The following EPB41 variants were observed in gnomAD, a reference collection of about 807,000 sequenced individuals.
EPB41 encodes the protein erythrocyte membrane protein band 4.1.
Under a neutral mutation model 108.0 loss-of-function variants are expected in EPB41, and 65 were observed. The observed-to-expected ratio is 0.60, with a 90% CI of 0.49 to 0.74. The LOEUF is 0.74. Among genes scored for constraint, EPB41 ranks in the 30% least tolerant of loss-of-function variants. The probability of loss-of-function intolerance (pLI) is 0.00; values close to 1 mark genes in which losing one functional copy is unlikely to be tolerated. For missense variants in EPB41, 875 were observed against 1,037.0 expected (o/e 0.84, Z 2.15); for synonymous variants, 336 against 358.9 (o/e 0.94, Z 0.72).
At chr1:28,937,070 A>G (rs1302965146) in intron 1 of EPB41, among the ~76,000 whole-genome samples, 1 of 152,132 alleles carries the variant, frequency 6.6e-6, no homozygotes, top group Non-Finnish European at 1.5e-5. Context: ...CCTTACTAAC[A>G]CTTGTTTTCC....
At chr1:29,057,929 T>C (rs757198787) in intron 12 of EPB41, among the ~76,000 whole-genome samples, 2 of 152,246 alleles carry the variant, frequency 1.3e-5, no homozygotes, top group Non-Finnish European at 2.9e-5. Context: ...GAATCCTGCA[T>C]GTGCTTGTTT....
In EPB41 at chr1:29,018,496, A is replaced by G; in HGVS notation, c.1124+54A>G. 2 of 1,285,270 alleles carry G rather than the reference A, an allele frequency of 1.6e-6. No homozygotes were observed. Among genetic ancestry groups the G allele is most frequent in the Non-Finnish European group, 2.1e-6 (2 of 949,136 alleles). 79.6% of individuals were successfully genotyped at this position (1,285,270 alleles called of 1,614,324 possible). ...GTTTGTTTTGGCGATTAGTTTAAAC[A>G]CAACATGGTATTGGTTCATTGTTTG... On this transcript the variant is annotated intron_variant, in intron 7 of 20. Coordinates refer to ENST00000343067, the MANE Select transcript of EPB41 (RefSeq NM_001376013.1). This position sits in a 1 kb window ranked among gnomAD's most constrained non-coding sequence, Gnocchi z 4.4.
In EPB41 at chr1:29,097,862, A is replaced by G. The variant is rs745902060; in HGVS notation, c.2240A>G (p.Lys747Arg). ...ATCTCAGATAATGCCAATGCTGTGA[A>G]AAGTGAAATCCCAACCAAAGACGTC... ...VTISDNANAV[K>R]SEIPTKDVPI... The change falls in exon 17 of 21, where the codon AAA becomes AGA. Residue 747 changes from lysine (K) to arginine (R), a missense_variant. Physicochemically the swap from Lys to Arg is conservative, Grantham distance 26. This residue lies in a region of EPB41 where 519 missense variants were observed against 627.3 expected (regional missense o/e 0.83). Coordinates refer to ENST00000343067, the MANE Select transcript of EPB41 (RefSeq NM_001376013.1). 65 of 1,613,932 alleles carry G rather than the reference A, an allele frequency of 4.0e-5. No individual in the cohort carries two copies. Among genetic ancestry groups the G allele is most frequent in the Non-Finnish European group, 5.3e-5 (63 of 1,179,918 alleles).
rs750731570 is a variant in EPB41 at position 29,115,721 on chromosome 1, A to G, written c.2519A>G (p.Glu840Gly). The G allele has an allele frequency of 6.2e-7, 1 of 1,614,020 alleles. No individual in the cohort carries two copies. Among genetic ancestry groups the G allele is most frequent in the Non-Finnish European group, 8.5e-7 (1 of 1,180,000 alleles). The change falls in exon 20 of 21, where the codon GAG (glutamate) becomes GGG (glycine). Residue 840 changes from glutamate to glycine, a missense_variant. Coordinates refer to ENST00000343067, the MANE Select transcript of EPB41 (RefSeq NM_001376013.1). This position sits in a 1 kb window ranked among gnomAD's most constrained non-coding sequence, Gnocchi z 4.4. Reference protein sequence around the residue: ...HDQVLVQAIKEAKEQHPDMSV... With the variant: ...HDQVLVQAIKGAKEQHPDMSV... ...TAGGTCCTTGTACAAGCCATCAAGG[A>G]GGCAAAGGAGCAGCACCCAGACATG...
chr1:29,022,912 G>C (rs796648166), intron 7 of EPB41, among the ~76,000 whole-genome samples: 1 of 151,926 alleles, frequency 6.6e-6, no homozygotes, highest in Non-Finnish European at 1.5e-5. Flanking sequence ...GTAAAGCAAA[G>C]TTACCTTTTC....
At chr1:28,962,777 G>A (rs938101942) in intron 1 of EPB41, among the ~76,000 whole-genome samples, 3 of 152,036 alleles carry the variant, frequency 2.0e-5, no homozygotes, top group Admixed American at 2.0e-4. Flanking sequence ...CCTCAGTTTA[G>A]GTCCCCATAA....
intron 16 of EPB41, among the ~76,000 whole-genome samples, chr1:29,073,534 G>A (rs1410799059): frequency 6.6e-6 from 1 of 152,180 alleles, no homozygotes; most frequent in African/African-American, 2.4e-5. Flanking sequence ...TTGAAAGTAA[G>A]TCGTTAAATA....
At chr1:29,015,912 TC>T in intron 6 of EPB41, 145 bp downstream of exon 6, 1 of 617,506 alleles carries the variant, frequency 1.6e-6, no homozygotes, top group South Asian at 2.1e-5. Flanking sequence ...ATTGAAAGTT[TC>T]TGGTCACTTC....
Position 29,068,723 on chromosome 1 carries a change from G to A in EPB41, c.2184+3565G>A, listed in dbSNP as rs192703400. 142 of 1,231,846 alleles carry A rather than the reference G, an allele frequency of 1.2e-4. No homozygotes were observed. In the East Asian group the frequency reaches 2.6e-3, roughly 23 times the overall value. The allele number at this position is 1,231,846 out of a possible 1,614,324, so 76.3% of individuals were successfully genotyped here. A position where few individuals can be genotyped will look rare whatever the true frequency, so the allele number is the denominator to read the frequency against. On this transcript the variant is annotated intron_variant, in intron 16 of 20. Coordinates refer to ENST00000343067, the MANE Select transcript of EPB41 (RefSeq NM_001376013.1). ...GGCAACTGAATTTTATATAATTTGT[G>A]TATGACCAGGTGAAGAAAACTTCTG...
chr1:29,056,512 A>T (rs1645476721), intron 12 of EPB41, among the ~76,000 whole-genome samples: 2 of 152,004 alleles, frequency 1.3e-5, no homozygotes, highest in Non-Finnish European at 1.5e-5. Flanking sequence ...ACACAGAACT[A>T]CTGTTGCTAC....
At chr1:29,010,197 G>A (rs2096476619) in intron 4 of EPB41, among the ~76,000 whole-genome samples, 1 of 152,130 alleles carries the variant, frequency 6.6e-6, no homozygotes, top group African/African-American at 2.4e-5. Flanking sequence ...AAATTAGCCA[G>A]GCATGGTGGT....
chr1:29,013,122 T>C (rs969118117), intron 5 of EPB41, among the ~76,000 whole-genome samples: 1 of 151,758 alleles, frequency 6.6e-6, no homozygotes, highest in African/African-American at 2.4e-5. Context: ...TTAAAAAAAA[T>C]TACACCATCC....
intron 1 of EPB41, among the ~76,000 whole-genome samples, chr1:28,961,049 A>AG (rs1371301002): frequency 1.3e-5 from 2 of 151,856 alleles, no homozygotes; most frequent in African/African-American, 2.4e-5. Flanking sequence ...AAAAAAAAAA[A>AG]AAAAAAGATG....
chr1:29,016,844 GCTTT>G (rs1234406200), intron 6 of EPB41, among the ~76,000 whole-genome samples: 1 of 152,166 alleles, frequency 6.6e-6, no homozygotes, highest in East Asian at 1.9e-4. Flanking sequence ...TTGAGTAACT[GCTTT>G]CTATTTCTGA....
intron 5 of EPB41, 133 bp from the exon 6 acceptor site, chr1:29,015,559 A>C: frequency 3.1e-6 from 2 of 642,800 alleles, no homozygotes; most frequent in African/African-American, 3.8e-5. Context: ...GGGCAACAAG[A>C]GTGAGACTCC....
intron 16 of EPB41, chr1:29,068,627 C>T: frequency 1.6e-6 from 1 of 644,772 alleles, no homozygotes; most frequent in East Asian, 3.4e-5. Context: ...TTTTCTTTAA[C>T]AATTGGGATA....
chr1:28,906,954 G>GTATTTTCAA (rs2091883648), intron 1 of EPB41, among the ~76,000 whole-genome samples: 1 of 116,456 alleles, frequency 8.6e-6, no homozygotes, highest in African/African-American at 4.5e-5. Context: ...TAATTTTTTT[G>GTATTTTCAA]TAGAGACGGG....
intron 11 of EPB41, among the ~76,000 whole-genome samples, chr1:29,049,622 GA>G (rs529271517): frequency 1.3e-5 from 2 of 152,202 alleles, no homozygotes; most frequent in Non-Finnish European, 2.9e-5. Context: ...CATACTAGCA[GA>G]AATTGTGCTA....
At chr1:29,025,873 C>G (rs939576600) in intron 7 of EPB41, among the ~76,000 whole-genome samples, 1 of 150,946 alleles carries the variant, frequency 6.6e-6, no homozygotes, top group Non-Finnish European at 1.5e-5. Context: ...CATGAAGAGT[C>G]AGAGCTCAAG....
Sources: allele counts gnomAD v4.1 joint callset (sites outside exome capture counted in the v4.1 genomes callset), GRCh38; gene constraint gnomAD v4.1.1; regional missense constraint gnomAD v4.1.1; non-coding constraint Gnocchi (gnomAD v3.1); transcripts MANE v1.5; gene names NCBI Gene and HGNC (gene_info 2026-07-23, HGNC 2026-07-21).